Variants in CDK6 observed in about 807,000 individuals in gnomAD.
CDK6 encodes the protein cyclin dependent kinase 6.
In CDK6, 6 loss-of-function variants were observed where a neutral mutation model predicts 37.1. The ratio of observed to expected loss-of-function variants is 0.16; its 90% CI spans 0.09 to 0.32. The LOEUF is 0.32. CDK6 is among the 10% of genes least tolerant of loss of function. CDK6 has a pLI of 1.00. For missense variants in CDK6, 224 were observed against 418.9 expected (o/e 0.53, Z 4.06); for synonymous variants, 160 against 161.3 (o/e 0.99, Z 0.06).
intron 2 of CDK6, among the ~76,000 whole-genome samples, chr7:92,778,047 C>T (rs1229289637): frequency 6.6e-6 from 1 of 150,786 alleles, no homozygotes; most frequent in Non-Finnish European, 1.5e-5. Flanking sequence ...ATGGACCCCA[C>T]ATTTGGACTT....
At chr7:92,755,738 T>C (rs1799301055) in intron 3 of CDK6, among the ~76,000 whole-genome samples, 1 of 152,126 alleles carries the variant, frequency 6.6e-6, no homozygotes, top group African/African-American at 2.4e-5. Flanking sequence ...AGGTATAAGT[T>C]GGGGTGCGGA....
At chr7:92,620,464 C>G (rs1795784480) in intron 6 of CDK6, among the ~76,000 whole-genome samples, 1 of 152,178 alleles carries the variant, frequency 6.6e-6, no homozygotes, top group African/African-American at 2.4e-5. Context: ...GAGTTCCGTT[C>G]TCTCTATTCC....
chr7:92,820,733 A>G (rs572853838), intron 2 of CDK6, among the ~76,000 whole-genome samples: 133 of 152,266 alleles, frequency 8.7e-4, no homozygotes, highest in African/African-American at 3.1e-3. Context: ...CATTTTTCAG[A>G]GTAGAAAGTC....
intron 2 of CDK6, among the ~76,000 whole-genome samples, chr7:92,777,952 C>T (rs991388827): frequency 2.0e-5 from 3 of 152,056 alleles, no homozygotes; most frequent in Non-Finnish European, 4.4e-5. Context: ...CTTCACATCC[C>T]TTTTGGGTTG....
At chr7:92,654,182 T>C (rs1306308554) in intron 5 of CDK6, among the ~76,000 whole-genome samples, 1 of 150,432 alleles carries the variant, frequency 6.6e-6, no homozygotes, top group Non-Finnish European at 1.5e-5. Flanking sequence ...TTTAGAGTGT[T>C]CAATTCTTGT....
At chr7:92,620,831 T>C (rs2116490482) in intron 6 of CDK6, among the ~76,000 whole-genome samples, 1 of 152,152 alleles carries the variant, frequency 6.6e-6, no homozygotes, top group East Asian at 1.9e-4. Context: ...TTACTTGAGC[T>C]CGGAAGGCCA....
chr7:92,605,785 C>A lies in CDK6; in HGVS notation c.*9355G>T, dbSNP rs1165760712. The A allele has an allele frequency of 1.3e-5, 3 of 233,142 alleles. No individual in the cohort carries two copies. The East Asian group carries it at 1.8e-4, about 14-fold the overall frequency. The allele number at this position is 233,142 out of a possible 1,614,324, so 14.4% of individuals were successfully genotyped here. On this transcript the variant is annotated 3_prime_UTR_variant, in exon 8 of 8. Coordinates refer to ENST00000424848, the MANE Select transcript of CDK6 (RefSeq NM_001145306.2). The stretch of plus-strand genomic sequence containing the variant: ...ACCTGAGGCCATTTTTCTTAGAGGG[C>A]AAAAACGTTAGAATAGGTAGGAAGG...
chr7:92,760,542 C>G (rs940558018), intron 3 of CDK6, among the ~76,000 whole-genome samples: 2 of 152,036 alleles, frequency 1.3e-5, no homozygotes, highest in African/African-American at 4.8e-5. Flanking sequence ...CTAAAACAGC[C>G]TTTTGTTGGA....
chr7:92,787,025 T>A (rs1210611722), intron 2 of CDK6, among the ~76,000 whole-genome samples: 1 of 151,484 alleles, frequency 6.6e-6, no homozygotes, highest in South Asian at 2.1e-4. Context: ...CCACAAAAAA[T>A]ACAAAAATTA....
rs551975443 is a variant in CDK6 at position 92,613,170 on chromosome 7, A to G, written c.*1970T>C. 28 of 233,110 alleles carry G rather than the reference A, an allele frequency of 1.2e-4. No homozygotes were observed. Among genetic ancestry groups the G allele is most frequent in the Non-Finnish European group, 2.1e-4 (25 of 118,030 alleles). 14.4% of individuals were successfully genotyped at this position (233,110 alleles called of 1,614,324 possible). On this transcript the variant is annotated 3_prime_UTR_variant, in exon 8 of 8. Coordinates refer to ENST00000424848, the MANE Select transcript of CDK6 (RefSeq NM_001145306.2). Reference sequence around the variant, plus strand: ...CAATGTTAAGTAGTACAGCAATTAAAAAAGAATAGTTCCCAACCCCAAAAG... The same window carrying G: ...CAATGTTAAGTAGTACAGCAATTAAGAAAGAATAGTTCCCAACCCCAAAAG...
chr7:92,645,495 AAGC>A (rs1035345289), intron 5 of CDK6, among the ~76,000 whole-genome samples: 1 of 152,224 alleles, frequency 6.6e-6, no homozygotes. Context: ...TAAGATTTCC[AAGC>A]AGCATTAGAA....
intron 3 of CDK6, among the ~76,000 whole-genome samples, chr7:92,747,512 C>A (rs972352267): frequency 2.6e-5 from 4 of 152,304 alleles, no homozygotes; most frequent in Non-Finnish European, 4.4e-5. Context: ...ATGTACCCAG[C>A]CTAATGGTGT....
Position 92,815,398 on chromosome 7 carries a change from C to T in CDK6, c.233+17693G>A, listed in dbSNP as rs1010072484. ...TTAATAGTCTTACTAGCTAACCAGT[C>T]TTTATAAAAACTAATGGACATACAA... On this transcript the variant is annotated intron_variant, in intron 2 of 7. Coordinates refer to ENST00000424848, the MANE Select transcript of CDK6 (RefSeq NM_001145306.2). Among the ~76,000 whole-genome samples the T allele has an allele frequency of 2.0e-5, 3 of 152,118 alleles. No individual in the cohort carries two copies. In the South Asian group the frequency reaches 6.2e-4, roughly 32 times the overall value.
In CDK6 at chr7:92,725,793, C is replaced by T. The variant is rs2116710735; in HGVS notation, c.370G>A (p.Asp124Asn). The change falls in exon 4 of 8, where the codon GAT (aspartate) becomes AAT (asparagine). Residue 124 changes from aspartate to asparagine, a missense_variant and splice_region_variant. Coordinates refer to ENST00000424848, the MANE Select transcript of CDK6 (RefSeq NM_001145306.2). ...EPGVPTETIK[D>N]MMFQLLRGLD... is the part of the protein sequence containing the mutation. ...CCTCGGAGAAGCTGAAACATCATAT[C>T]CTAATAAAATTAAAAAAAGAAAATC... 6.2e-7 allele frequency: 1 copy of T among 1,604,560 alleles called. No homozygotes were observed. Among genetic ancestry groups the T allele is most frequent in the Non-Finnish European group, 8.5e-7 (1 of 1,176,456 alleles).
chr7:92,684,412 C>T (rs1473233110), intron 4 of CDK6, among the ~76,000 whole-genome samples: 3 of 152,182 alleles, frequency 2.0e-5, no homozygotes, highest in Non-Finnish European at 1.5e-5. Flanking sequence ...AGGGATTTCA[C>T]CAAGATAGCT....
At chr7:92,637,340 G>C (rs190211427) in intron 5 of CDK6, among the ~76,000 whole-genome samples, 2 of 152,220 alleles carry the variant, frequency 1.3e-5, no homozygotes, top group South Asian at 4.1e-4. Flanking sequence ...ATCATCACTC[G>C]TAGTCTTGGC....
chr7:92,808,059 G>C (rs556858121), intron 2 of CDK6, among the ~76,000 whole-genome samples: 1 of 151,932 alleles, frequency 6.6e-6, no homozygotes, highest in Non-Finnish European at 1.5e-5. Flanking sequence ...CCTCAATTAC[G>C]CAAGTTAACA....
chr7:92,823,046 T>G (rs1801211429), intron 2 of CDK6, among the ~76,000 whole-genome samples: 1 of 151,860 alleles, frequency 6.6e-6, no homozygotes. Flanking sequence ...TCCAGACCAT[T>G]TTCTATTTGC....
intron 3 of CDK6, among the ~76,000 whole-genome samples, chr7:92,768,046 T>A (rs575562413): frequency 6.6e-6 from 1 of 152,064 alleles, no homozygotes; most frequent in Non-Finnish European, 1.5e-5. Context: ...GCTACATTAA[T>A]GGAGAAGGGC....
Sources: gnomAD v4.1 joint callset for allele counts (sites outside exome capture counted in the v4.1 genomes callset) on GRCh38, gnomAD v4.1.1 for gene constraint, MANE v1.5 for transcripts, NCBI Gene and HGNC (gene_info 2026-07-23, HGNC 2026-07-21) for gene names.